The following ATG2B variants were observed in gnomAD, a reference collection of about 807,000 sequenced individuals.
ATG2B encodes the protein autophagy related 2B, also known as autophagy-related protein 2 homolog B.
In ATG2B, 121 loss-of-function variants were observed where a neutral mutation model predicts 241.3. The observed-to-expected ratio is 0.50, with a 90% CI of 0.43 to 0.58. ATG2B has a LOEUF of 0.58. Among genes scored for constraint, ATG2B ranks in the 20% least tolerant of loss-of-function variants. The probability of loss-of-function intolerance (pLI) is 0.00; values close to 1 mark genes in which losing one functional copy is unlikely to be tolerated. For missense variants in ATG2B, 2,306 were observed against 2,491.6 expected, an observed-to-expected ratio of 0.93 and a Z score of 1.59; for synonymous variants, 858 against 876.6, an observed-to-expected ratio of 0.98 and a Z score of 0.37.
rs1334416057 is a variant in ATG2B at position 96,318,721 on chromosome 14, C to T, written c.2880-866G>A. The stretch of plus-strand genomic sequence containing the variant: ...TACTTTTTCAAAGAACTACCTGTCA[C>T]TGCTCAGATGCCCCTGTCCTAGCCT... On this transcript the variant is annotated intron_variant, in intron 18 of 41. Coordinates refer to ENST00000359933, the MANE Select transcript of ATG2B (RefSeq NM_018036.7). Among the ~76,000 whole-genome samples the T allele has an allele frequency of 2.6e-5, 4 of 152,170 alleles. No homozygotes were observed. The East Asian group carries it at 7.7e-4, about 29-fold the overall frequency.
At position 96,299,692 on chromosome 14, in the gene ATG2B, C is replaced by T. The variant is rs577696411; in HGVS notation, c.5139+2315G>A. Among the ~76,000 whole-genome samples the T allele has an allele frequency of 3.2e-4, 48 of 152,310 alleles. No homozygotes were observed. In the South Asian group the frequency reaches 8.5e-3, roughly 27 times the overall value. Reference sequence around the variant, plus strand: ...ATCCACCAGATGGAACTCATTCCATCTGCAATGCTTACTGCCTGCCCTAAG... The same window carrying T: ...ATCCACCAGATGGAACTCATTCCATTTGCAATGCTTACTGCCTGCCCTAAG... On this transcript the variant is annotated intron_variant, in intron 34 of 41. Transcript: ENST00000359933.
chr14:96,295,571 G>A lies in ATG2B; in HGVS notation c.5140-11C>T, dbSNP rs377698157. On this transcript the variant is annotated splice_polypyrimidine_tract_variant and intron_variant, in intron 34 of 41. Transcript: ENST00000359933. ...GAAGAACAAAGCATCCTAAAATTAAGAGATGTAATTTTAACTAAGGAAGAA... is the reference window on the plus strand; with the variant it reads ...GAAGAACAAAGCATCCTAAAATTAAAAGATGTAATTTTAACTAAGGAAGAA... 4.5e-6 allele frequency: 7 copies of A among 1,565,100 alleles called. No individual in the cohort carries two copies. The highest frequency in any genetic ancestry group is 2.7e-5 in the African/African-American group (2 of 72,882).
At position 96,309,559 on chromosome 14, in the gene ATG2B, T is replaced by C. The variant is rs200353225; in HGVS notation, c.4197A>G (p.Pro1399=). ...TTTGTTGATCTGCTTCAGGAAGTAC[T>C]GGACCACGTGAGGATGATCGACCAC... The part of the protein sequence containing the change: ...DSSGRSSSRG[P]VLPEADQQML... Residue 1399 remains proline, a synonymous_variant, in exon 29 of 42, where the codon CCA becomes CCG. Transcript: ENST00000359933. The C allele has an allele frequency of 2.7e-5, 43 of 1,614,080 alleles. No individual in the cohort carries two copies. The East Asian group carries it at 6.0e-4, about 23-fold the overall frequency.
intron 38 of ATG2B, 135 bp from the exon 39 acceptor site, chr14:96,291,070 T>C (rs1482522012): frequency 1.4e-6 from 1 of 715,832 alleles, no homozygotes. Context: ...CAAAAACAGG[T>C]AACATTTTTC....
In ATG2B at chr14:96,285,787, C is replaced by T. The variant is rs775986319; in HGVS notation, c.6205G>A (p.Glu2069Lys). ...NQIRPDVRQD[E>K]SQKWRHGDD ...TCCCCGTGGCGCCATTTCTGTGACT[C>T]GTCTTGCCGGACATCTGGCCTAATT... Residue 2069 changes from glutamate to lysine, a missense_variant, in exon 42 of 42, where the codon GAG (glutamate) becomes AAG (lysine). This residue lies in a region of ATG2B where 379 missense variants were observed against 480.4 expected (regional missense o/e 0.79). Transcript: ENST00000359933. This position sits in a 1 kb window ranked among gnomAD's most constrained non-coding sequence, Gnocchi z 4.2. 12 of 1,614,070 alleles carry T rather than the reference C, an allele frequency of 7.4e-6. No homozygotes were observed. The highest frequency in any genetic ancestry group is 2.2e-5 in the South Asian group (2 of 91,080).
chr14:96,317,727 A>G lies in ATG2B; in HGVS notation c.3008T>C (p.Phe1003Ser). Residue 1003 changes from phenylalanine to serine, a missense_variant, in exon 19 of 42, where the codon TTT (phenylalanine) becomes TCT (serine). Coordinates refer to ENST00000359933, the MANE Select transcript of ATG2B (RefSeq NM_018036.7). ...QLINTFNKDS[F>S]SAFKSAVHYD... is the part of the protein sequence containing the mutation. Reference sequence around the variant, plus strand: ...GTGAACTGCAGATTTAAATGCACTAAAACTATCTTTGTTGAAAGTATTAAT... The same window carrying G: ...GTGAACTGCAGATTTAAATGCACTAGAACTATCTTTGTTGAAAGTATTAAT... 6.2e-7 allele frequency: 1 copy of G among 1,611,530 alleles called. No individual in the cohort carries two copies. Among genetic ancestry groups the G allele is most frequent in the South Asian group, 1.1e-5 (1 of 90,560 alleles).
chr14:96,344,547 A>T (rs897399413), intron 4 of ATG2B, 107 bp downstream of exon 4: 1 of 513,568 alleles, frequency 1.9e-6, no homozygotes, highest in African/African-American at 2.0e-5. Context: ...TTACTCTGAA[A>T]TTATGCAATA....
At position 96,285,629 on chromosome 14, in the gene ATG2B, A is replaced by G; in HGVS notation, c.*126T>C. 1.2e-6 allele frequency: 1 copy of G among 838,058 alleles called. No individual in the cohort carries two copies. Among genetic ancestry groups the G allele is most frequent in the East Asian group, 2.7e-5 (1 of 37,600 alleles). The allele number at this position is 838,058 out of a possible 1,614,324, so 51.9% of individuals were successfully genotyped here. ...TGTTGTTTTGATGTTAAATTATTTAACTAAAAAATGCTTTTGTTCCTGAGA... is the reference window on the plus strand; with the variant it reads ...TGTTGTTTTGATGTTAAATTATTTAGCTAAAAAATGCTTTTGTTCCTGAGA... On this transcript the variant is annotated 3_prime_UTR_variant, in exon 42 of 42. Transcript: ENST00000359933. The surrounding 1 kb of genome is among the most constrained non-coding windows in gnomAD (Gnocchi z 4.2).
In ATG2B at chr14:96,313,024, G is replaced by T; in HGVS notation, c.3842+41C>A. Reference sequence around the variant, plus strand: ...AGGTAAATATCAATTGGTATGTTTCGAACAGCTTTGTTTAGTATACAATGA... The same window carrying T: ...AGGTAAATATCAATTGGTATGTTTCTAACAGCTTTGTTTAGTATACAATGA... On this transcript the variant is annotated intron_variant, in intron 25 of 41. Transcript: ENST00000359933. 5 of 1,283,094 alleles carry T rather than the reference G, an allele frequency of 3.9e-6. No homozygotes were observed. In the South Asian group the frequency reaches 6.4e-5, roughly 17 times the overall value. The allele number at this position is 1,283,094 out of a possible 1,614,324, so 79.5% of individuals were successfully genotyped here.
At chr14:96,307,678 G>C (rs910720738) in intron 29 of ATG2B, among the ~76,000 whole-genome samples, 1 of 151,986 alleles carries the variant, frequency 6.6e-6, no homozygotes, top group African/African-American at 2.4e-5. Flanking sequence ...TAAATGTAGG[G>C]GGAGGGAAGG....
intron 6 of ATG2B, among the ~76,000 whole-genome samples, chr14:96,338,179 C>G (rs749453212): frequency 2.2e-4 from 33 of 151,926 alleles, no homozygotes; most frequent in Non-Finnish European, 4.6e-4. Context: ...GATCTAGGAG[C>G]CTTTTTGATG....
chr14:96,356,566 A>G (rs959716700), intron 1 of ATG2B, among the ~76,000 whole-genome samples: 4 of 152,168 alleles, frequency 2.6e-5, no homozygotes, highest in Non-Finnish European at 5.9e-5. Context: ...CTTTAGTGCA[A>G]GTATTTTTAA....
chr14:96,345,180 A>T (rs932274795), intron 3 of ATG2B, 53 bp downstream of exon 3: 1 of 1,482,032 alleles, frequency 6.7e-7, no homozygotes, highest in Non-Finnish European at 9.2e-7. Context: ...ACATGAAGGT[A>T]CAAAACTACT....
In ATG2B at chr14:96,291,057, C is replaced by T. The variant is rs561814418; in HGVS notation, c.5580-122G>A. Reference sequence around the variant, plus strand: ...ATTATAAGGGCAAATATTACAGGTGCTTCAAAAACAGGTAACATTTTTCAA... The same window carrying T: ...ATTATAAGGGCAAATATTACAGGTGTTTCAAAAACAGGTAACATTTTTCAA... On this transcript the variant is annotated intron_variant, in intron 38 of 41. Coordinates refer to ENST00000359933, the MANE Select transcript of ATG2B (RefSeq NM_018036.7). 13 of 775,742 alleles carry T rather than the reference C, an allele frequency of 1.7e-5. 1 individual carries two copies. The African/African-American group carries it at 1.8e-4, about 11-fold the overall frequency. The allele number at this position is 775,742 out of a possible 1,614,324, so 48.1% of individuals were successfully genotyped here.
chr14:96,314,911 G>A (rs1174204702), intron 23 of ATG2B, among the ~76,000 whole-genome samples: 6 of 152,148 alleles, frequency 3.9e-5, no homozygotes, highest in Admixed American at 6.5e-5. Context: ...AGCTGGGCTC[G>A]AACTCCTGAC....
chr14:96,290,985 C>G lies in ATG2B; in HGVS notation c.5580-50G>C. ...TCAAAAGGAGAAATACATTTATAGACACAGATTAGTTTGAGGGTTTTTTTT... is the reference window on the plus strand; with the variant it reads ...TCAAAAGGAGAAATACATTTATAGAGACAGATTAGTTTGAGGGTTTTTTTT... On this transcript the variant is annotated intron_variant, in intron 38 of 41. Transcript: ENST00000359933. The surrounding 1 kb of genome is among the most constrained non-coding windows in gnomAD (Gnocchi z 4.4). 6.7e-7 allele frequency: 1 copy of G among 1,488,562 alleles called. No individual in the cohort carries two copies. The highest frequency in any genetic ancestry group is 9.0e-7 in the Non-Finnish European group (1 of 1,106,724). The allele number at this position is 1,488,562 out of a possible 1,614,324, so 92.2% of individuals were successfully genotyped here.
chr14:96,337,113 G>A (rs914166852), intron 6 of ATG2B, among the ~76,000 whole-genome samples: 1 of 152,186 alleles, frequency 6.6e-6, no homozygotes, highest in African/African-American at 2.4e-5. Flanking sequence ...ACCCCTTACT[G>A]TATCTTTTAC....
chr14:96,282,310 G>C lies in ATG2B; in HGVS notation c.*3445C>G, dbSNP rs1350348008. 3 of 152,180 alleles carry C rather than the reference G, an allele frequency of 2.0e-5. No individual in the cohort carries two copies. Among genetic ancestry groups the C allele is most frequent in the Non-Finnish European group, 2.9e-5 (2 of 68,032 alleles). The allele number at this position is 152,180 out of a possible 1,614,324, so 9.4% of individuals were successfully genotyped here. On this transcript the variant is annotated 3_prime_UTR_variant, in exon 42 of 42. Coordinates refer to ENST00000359933, the MANE Select transcript of ATG2B (RefSeq NM_018036.7). ...TACAAAAGAATATTGCTTTGTGTTT[G>C]CACAGTCCCTTCCTTTCAAGGAACT...
intron 34 of ATG2B, among the ~76,000 whole-genome samples, chr14:96,298,907 T>G (rs1886716912): frequency 6.8e-6 from 1 of 146,304 alleles, no homozygotes; most frequent in African/African-American, 2.5e-5. Flanking sequence ...AAATTATACC[T>G]CAGTGCAATC....
Sources: allele counts gnomAD v4.1 joint callset (sites outside exome capture counted in the v4.1 genomes callset), GRCh38; gene constraint gnomAD v4.1.1; regional missense constraint gnomAD v4.1.1; non-coding constraint Gnocchi (gnomAD v3.1); transcripts MANE v1.5; gene names NCBI Gene and HGNC (gene_info 2026-07-23, HGNC 2026-07-21).